Variants in ADCY5 observed in about 807,000 individuals in gnomAD.
The protein encoded by ADCY5 is adenylate cyclase type 5.
Under a neutral mutation model 119.7 loss-of-function variants are expected in ADCY5, and 30 were observed. That is an observed-to-expected ratio of 0.25 (90% CI 0.19 to 0.34). The LOEUF is 0.34. ADCY5 is among the 10% of genes least tolerant of loss of function. ADCY5 has a pLI of 1.00. For synonymous variants in ADCY5, 753 were observed against 762.2 expected (o/e 0.99, Z 0.20); for missense variants, 1,324 against 1,775.2 (o/e 0.75, Z 4.57).
At chr3:123,350,612 C>G (rs1190761040) in intron 2 of ADCY5, among the ~76,000 whole-genome samples, 1 of 152,204 alleles carries the variant, frequency 6.6e-6, no homozygotes, top group African/African-American at 2.4e-5. Flanking sequence ...CACCTAGAAG[C>G]TTCCCCCAGG....
chr3:123,392,125 T>C (rs1012707989), intron 1 of ADCY5, among the ~76,000 whole-genome samples: 9 of 152,252 alleles, frequency 5.9e-5, no homozygotes, highest in Non-Finnish European at 1.0e-4. Context: ...ACTACTGTTG[T>C]GGCAGGAGTG....
chr3:123,291,515 C>T (rs1024198017), intron 17 of ADCY5, 139 bp from the exon 18 acceptor site: 14 of 1,035,646 alleles, frequency 1.4e-5, no homozygotes, highest in Non-Finnish European at 1.7e-5. Context: ...TTGGCAAGTA[C>T]CGCTGTCTCT....
At chr3:123,390,082 T>C (rs1389544204) in intron 1 of ADCY5, among the ~76,000 whole-genome samples, 3 of 152,176 alleles carry the variant, frequency 2.0e-5, no homozygotes, top group Non-Finnish European at 4.4e-5. Context: ...TGCCAATCCC[T>C]GAGCCATCAC....
At chr3:123,355,945 G>T (rs1159338894) in intron 1 of ADCY5, among the ~76,000 whole-genome samples, 1 of 152,158 alleles carries the variant, frequency 6.6e-6, no homozygotes. Context: ...AAACAATGTG[G>T]TACTAGCATA....
chr3:123,323,438 A>G (rs543547956), intron 8 of ADCY5, among the ~76,000 whole-genome samples: 1 of 152,260 alleles, frequency 6.6e-6, no homozygotes, highest in African/African-American at 2.4e-5. Flanking sequence ...TAACTTTCCA[A>G]GGATTCTGAA....
At chr3:123,364,694 C>T (rs1441532621) in intron 1 of ADCY5, among the ~76,000 whole-genome samples, 2 of 151,770 alleles carry the variant, frequency 1.3e-5, no homozygotes, top group African/African-American at 4.8e-5. Context: ...TTGATGGCCG[C>T]ATTTACAAAA....
chr3:123,314,386 G>A (rs1940778116), intron 11 of ADCY5, 64 bp from the exon 12 acceptor site: 2 of 1,340,318 alleles, frequency 1.5e-6, no homozygotes, highest in African/African-American at 1.5e-5. Flanking sequence ...GCTTCTGGGG[G>A]ACCTGCCTGG....
intron 1 of ADCY5, among the ~76,000 whole-genome samples, chr3:123,408,078 G>T (rs1944949684): frequency 1.3e-5 from 2 of 152,086 alleles, no homozygotes; most frequent in Non-Finnish European, 2.9e-5. Flanking sequence ...CACATAAAAA[G>T]AAATATCAGA....
chr3:123,324,415 CACACACACACA>C (rs1423215041), intron 8 of ADCY5, among the ~76,000 whole-genome samples: 1 of 17,672 alleles, frequency 5.7e-5, no homozygotes, highest in African/African-American at 5.5e-4. Flanking sequence ...CACACACACA[CACACACACACA>C]CACACACACA....
intron 11 of ADCY5, among the ~76,000 whole-genome samples, chr3:123,317,667 A>G (rs1353574619): frequency 6.6e-6 from 1 of 151,816 alleles, no homozygotes; most frequent in Admixed American, 6.6e-5. Flanking sequence ...CTTGGGAGGC[A>G]GAAGTTGCAG....
chr3:123,442,908 C>G (rs1315590236), intron 1 of ADCY5, among the ~76,000 whole-genome samples: 1 of 152,214 alleles, frequency 6.6e-6, no homozygotes, highest in Non-Finnish European at 1.5e-5. Context: ...CTCCTCCACT[C>G]GAAACCCAAA....
intron 19 of ADCY5, among the ~76,000 whole-genome samples, chr3:123,287,790 C>T (rs1181842992): frequency 6.6e-6 from 1 of 152,212 alleles, no homozygotes; most frequent in Non-Finnish European, 1.5e-5. Flanking sequence ...AAAGCCATGC[C>T]ACCCAGGGAA....
chr3:123,368,576 G>A (rs542335810), intron 1 of ADCY5, among the ~76,000 whole-genome samples: 143 of 152,250 alleles, frequency 9.4e-4, no homozygotes, highest in African/African-American at 3.3e-3. Context: ...CAGGCTGGGC[G>A]ACAGATCGAG....
intron 20 of ADCY5, among the ~76,000 whole-genome samples, chr3:123,285,817 C>A (rs137887371): frequency 0.016 from 2,427 of 152,348 alleles, 30 homozygotes; most frequent in Middle Eastern, 0.044. Context: ...TGAGAAAAGG[C>A]CATTAAGGCC....
rs147476172 is a variant in ADCY5 at position 123,442,688 on chromosome 3, T to C, written c.1134+4724A>G. Among the ~76,000 whole-genome samples the C allele has an allele frequency of 6.4e-4, 97 of 152,292 alleles. 1 individual carries two copies. Among genetic ancestry groups the C allele is most frequent in the African/African-American group, 2.2e-3 (90 of 41,558 alleles). On this transcript the variant is annotated intron_variant, in intron 1 of 20. Transcript: ENST00000462833. ...TTCCCACAAATACAGCAGCTGGGCA[T>C]TGTGCCCCTCCGCTGAGTCTCTGCC...
chr3:123,294,742 C>T (rs1009461777), intron 17 of ADCY5, among the ~76,000 whole-genome samples: 8 of 152,172 alleles, frequency 5.3e-5, no homozygotes, highest in East Asian at 1.9e-4. Context: ...AGGGGCCTGC[C>T]GCACCCCTGC....
At chr3:123,397,704 G>A (rs1020812964) in intron 1 of ADCY5, among the ~76,000 whole-genome samples, 1 of 152,172 alleles carries the variant, frequency 6.6e-6, no homozygotes, top group Non-Finnish European at 1.5e-5. Flanking sequence ...CTGTTCTGCA[G>A]GGAAGATCTT....
intron 3 of ADCY5, among the ~76,000 whole-genome samples, chr3:123,342,147 G>A (rs766054282): frequency 7.2e-5 from 11 of 152,114 alleles, no homozygotes; most frequent in Non-Finnish European, 1.3e-4. Flanking sequence ...GGATGTTCAC[G>A]GCCCCTCCTC....
In ADCY5 at chr3:123,283,620, T is replaced by C. The variant is rs951176339; in HGVS notation, c.*988A>G. On this transcript the variant is annotated 3_prime_UTR_variant, in exon 21 of 21. Coordinates refer to ENST00000462833, the MANE Select transcript of ADCY5 (RefSeq NM_183357.3). ...AAACCCAAAACTGCCAAATCTGAAA[T>C]GAGGGAAACACATCCTGTGTGAGAC... 1 of 151,992 alleles carries C rather than the reference T, an allele frequency of 6.6e-6. No homozygotes were observed. The highest frequency in any genetic ancestry group is 1.5e-5 in the Non-Finnish European group (1 of 68,064). The allele number at this position is 151,992 out of a possible 1,614,324, so 9.4% of individuals were successfully genotyped here.
Sources: gnomAD v4.1 joint callset for allele counts (sites outside exome capture counted in the v4.1 genomes callset) on GRCh38, gnomAD v4.1.1 for gene constraint, MANE v1.5 for transcripts, NCBI Gene and HGNC (gene_info 2026-07-23, HGNC 2026-07-21) for gene names.